Variants in PPEF1 observed in about 807,000 individuals in gnomAD.
PPEF1 encodes protein phosphatase with EF-hand domain 1, also known as serine/threonine-protein phosphatase with EF-hands 1.
In PPEF1, 12 loss-of-function variants were observed where a neutral mutation model predicts 53.3. The observed-to-expected ratio is 0.23, with a 90% CI of 0.14 to 0.36. The LOEUF is 0.36. Among genes scored for constraint, PPEF1 ranks in the 10% least tolerant of loss-of-function variants. The probability of loss-of-function intolerance (pLI) is 1.00; values close to 1 mark genes in which losing one functional copy is unlikely to be tolerated. For synonymous variants in PPEF1, 165 were observed against 176.7 expected (o/e 0.93, Z 0.52); for missense variants, 334 against 490.4 (o/e 0.68, Z 3.01).
chrX:18,750,102 A>G (rs1334943107), intron 4 of PPEF1, 150 bp downstream of exon 4: 8 of 525,463 alleles, frequency 1.5e-5, no homozygotes, highest in Non-Finnish European at 2.4e-5. Flanking sequence ...CTCATTTAAT[A>G]GAAGTCTCCT....
At chrX:18,741,205 G>A (rs145105622) in intron 3 of PPEF1, among the ~76,000 whole-genome samples, 328 of 111,691 alleles carry the variant, frequency 2.9e-3, no homozygotes, top group African/African-American at 9.9e-3. Flanking sequence ...AGTTGTTTAT[G>A]CTTCATATTC....
At chrX:18,806,604 CCCACGTGACTAAGAGCAG>C (rs2046671284) in intron 12 of PPEF1, 59 bp downstream of exon 12, 1 of 1,036,018 alleles carries the variant, frequency 9.7e-7, no homozygotes, top group African/African-American at 1.9e-5. Context: ...TAGAACCAGT[CCCACGTGACTAAGAGCAG>C]CCACGTGAGT....
At chrX:18,814,903 T>C (rs2046874761) in intron 12 of PPEF1, among the ~76,000 whole-genome samples, 1 of 112,076 alleles carries the variant, frequency 8.9e-6, no homozygotes, top group Non-Finnish European at 1.9e-5. Flanking sequence ...GACTTAGTCA[T>C]AAATTATTTG....
At chrX:18,733,656 G>C (rs1030315372) in intron 2 of PPEF1, 92 bp from the exon 3 acceptor site, 25 of 723,131 alleles carry the variant, frequency 3.5e-5, no homozygotes, top group Admixed American at 1.7e-4. Flanking sequence ...TGCCCCACAA[G>C]AGTAAGGGCA....
At chrX:18,797,412 A>T (rs2046453487) in intron 10 of PPEF1, among the ~76,000 whole-genome samples, 1 of 111,913 alleles carries the variant, frequency 8.9e-6, no homozygotes, top group African/African-American at 3.2e-5. Flanking sequence ...ACAGAGATGA[A>T]TATGATACTC....
At chrX:18,734,810 G>A (rs2044931975) in intron 3 of PPEF1, among the ~76,000 whole-genome samples, 1 of 111,448 alleles carries the variant, frequency 9.0e-6, no homozygotes, top group Non-Finnish European at 1.9e-5. Context: ...GACTTTTAAT[G>A]ATCACCATTC....
chrX:18,728,114 C>T (rs181798740), intron 1 of PPEF1, among the ~76,000 whole-genome samples: 3 of 110,462 alleles, frequency 2.7e-5, no homozygotes, highest in Admixed American at 9.7e-5. Context: ...CTAACATACC[C>T]GACATCACAA....
chrX:18,773,320 T>A (rs1210998446), intron 6 of PPEF1, among the ~76,000 whole-genome samples: 1 of 112,286 alleles, frequency 8.9e-6, no homozygotes, highest in Non-Finnish European at 1.9e-5. Flanking sequence ...TGCTTTGTGA[T>A]CCTGTTTAGT....
At chrX:18,703,275 AAC>A (rs2044125092), upstream of PPEF1, among the ~76,000 whole-genome samples, 1 of 111,691 alleles carries the variant, frequency 9.0e-6, no homozygotes, top group African/African-American at 3.3e-5. Context: ...CTGAGAGAAA[AAC>A]AGTTAAAAAT....
At chrX:18,756,272 C>T (rs1338300280) in intron 4 of PPEF1, among the ~76,000 whole-genome samples, 8 of 110,464 alleles carry the variant, frequency 7.2e-5, no homozygotes, top group African/African-American at 2.3e-4. Flanking sequence ...CTCCGCCTCC[C>T]GGGTTCAAGT....
intron 12 of PPEF1, among the ~76,000 whole-genome samples, chrX:18,817,080 G>A (rs916226229): frequency 2.2e-3 from 234 of 106,572 alleles, no homozygotes; most frequent in African/African-American, 7.0e-3. Context: ...GTGTGTGTGT[G>A]TGTGTGTGTG....
chrX:18,744,117 C>T (rs1314105945), intron 3 of PPEF1, among the ~76,000 whole-genome samples: 1 of 110,774 alleles, frequency 9.0e-6, no homozygotes, highest in Non-Finnish European at 1.9e-5. Context: ...TCTCAAACTC[C>T]CGACCTCAGG....
chrX:18,723,664 A>G (rs752589785), intron 1 of PPEF1, among the ~76,000 whole-genome samples: 1 of 112,120 alleles, frequency 8.9e-6, no homozygotes, highest in African/African-American at 3.2e-5. Context: ...CCATACACAT[A>G]TAACTGTAGA....
rs757936194 is a variant in PPEF1, at chrX:18,771,484, C to A, written c.559-7526C>A. ...AAGAATCTTAATTCAAGGAGCCAGACTTTTTTTCTAATCACATTTTTATGA... is the reference window on the plus strand; with the variant it reads ...AAGAATCTTAATTCAAGGAGCCAGAATTTTTTTCTAATCACATTTTTATGA... On this transcript the variant is annotated intron_variant, in intron 6 of 15. Coordinates refer to ENST00000470157, the MANE Select transcript of PPEF1 (RefSeq NM_001377996.1). 5.4e-5 allele frequency among the ~76,000 whole-genome samples: 6 copies of A among 111,808 alleles called. No homozygotes were observed. The South Asian group carries it at 2.2e-3, about 42-fold the overall frequency.
At chrX:18,726,308 G>A (rs1216075767) in intron 1 of PPEF1, among the ~76,000 whole-genome samples, 1 of 110,343 alleles carries the variant, frequency 9.1e-6, no homozygotes, top group Non-Finnish European at 1.9e-5. Context: ...AGCCGAGATC[G>A]TGGCTCTGCA....
chrX:18,759,812 T>C (rs1196758990), intron 5 of PPEF1, among the ~76,000 whole-genome samples: 1 of 112,079 alleles, frequency 8.9e-6, no homozygotes, highest in African/African-American at 3.2e-5. Context: ...ATGTATTTGG[T>C]TAATCTTGGT....
intron 3 of PPEF1, among the ~76,000 whole-genome samples, chrX:18,689,159 C>T (rs1929222165): frequency 9.1e-6 from 1 of 110,446 alleles, no homozygotes; most frequent in Admixed American, 9.6e-5. Flanking sequence ...AGGAAGAAGT[C>T]CATTCCAATG....
At chrX:18,822,716 T>G (rs1473178212) in intron 13 of PPEF1, among the ~76,000 whole-genome samples, 1 of 110,619 alleles carries the variant, frequency 9.0e-6, no homozygotes, top group African/African-American at 3.3e-5. Context: ...GTATGAGATT[T>G]CTAAGATATT....
intron 6 of PPEF1, among the ~76,000 whole-genome samples, chrX:18,765,760 A>G (rs991477652): frequency 9.0e-6 from 1 of 111,401 alleles, no homozygotes; most frequent in Non-Finnish European, 1.9e-5. Flanking sequence ...CATTACTTTC[A>G]TTTATCTAGA....
Sources: gnomAD v4.1 joint callset for allele counts (sites outside exome capture counted in the v4.1 genomes callset) on GRCh38, gnomAD v4.1.1 for gene constraint, MANE v1.5 for transcripts, NCBI Gene and HGNC (gene_info 2026-07-23, HGNC 2026-07-21) for gene names.